The following DPP6 variants were observed in gnomAD, a reference collection of about 807,000 sequenced individuals.
DPP6 encodes A-type potassium channel modulatory protein DPP6.
In DPP6, 69 loss-of-function variants were observed where a neutral mutation model predicts 122.6. The ratio of observed to expected loss-of-function variants is 0.56; its 90% CI spans 0.46 to 0.69. The LOEUF is 0.69. Ranked by LOEUF, DPP6 falls within the 30% of genes least tolerant of loss-of-function variation. DPP6 has a pLI of 0.00. For synonymous variants in DPP6, 418 were observed against 433.1 expected (o/e 0.97, Z 0.43); for missense variants, 928 against 1,116.9 (o/e 0.83, Z 2.41).
chr7:154,810,276 C>G (rs957983273), intron 16 of DPP6, among the ~76,000 whole-genome samples: 1 of 152,180 alleles, frequency 6.6e-6, no homozygotes, highest in Non-Finnish European at 1.5e-5. Context: ...GGTTCAGTTT[C>G]CATAAGCTGC....
At chr7:154,279,076 A>G (rs1804332526) in intron 1 of DPP6, among the ~76,000 whole-genome samples, 1 of 144,838 alleles carries the variant, frequency 6.9e-6, no homozygotes, top group African/African-American at 2.6e-5. Flanking sequence ...TGTGCAGCTG[A>G]TGTGTGTGTG....
intron 10 of DPP6, 92 bp from the exon 11 acceptor site, chr7:154,793,987 C>T: frequency 1.3e-6 from 2 of 1,508,302 alleles, no homozygotes; most frequent in Non-Finnish European, 1.8e-6. Context: ...CCCCGGCTCC[C>T]GTGTCGTGTC....
chr7:154,651,262 T>C (rs1836857539), intron 6 of DPP6, among the ~76,000 whole-genome samples: 1 of 152,170 alleles, frequency 6.6e-6, no homozygotes, highest in Non-Finnish European at 1.5e-5. Flanking sequence ...ATTTCCTATA[T>C]AGTTACAGAA....
chr7:154,777,910 C>G (rs1284740501), intron 10 of DPP6, among the ~76,000 whole-genome samples: 1 of 152,174 alleles, frequency 6.6e-6, no homozygotes, highest in Non-Finnish European at 1.5e-5. Context: ...TCTTTTGCTT[C>G]CATTTATTTG....
At chr7:154,492,038 G>C (rs1468283530) in intron 3 of DPP6, among the ~76,000 whole-genome samples, 2 of 152,178 alleles carry the variant, frequency 1.3e-5, no homozygotes, top group East Asian at 3.8e-4. Flanking sequence ...CATCCTTGGA[G>C]CATCTTTTAT....
At chr7:154,622,533 A>C (rs916920243) in intron 5 of DPP6, among the ~76,000 whole-genome samples, 2 of 152,178 alleles carry the variant, frequency 1.3e-5, no homozygotes, top group African/African-American at 4.8e-5. Flanking sequence ...TGCTGATCAG[A>C]AGACTTGATT....
intron 16 of DPP6, among the ~76,000 whole-genome samples, chr7:154,848,469 CT>C (rs1350291181): frequency 6.6e-6 from 1 of 152,064 alleles, no homozygotes; most frequent in African/African-American, 2.4e-5. Context: ...TGCATGTCTT[CT>C]TTGACAAATT....
rs143593153 is a variant in DPP6, at chr7:154,303,067, C to T, written c.244-143147C>T. Among the ~76,000 whole-genome samples the T allele has an allele frequency of 1.1e-3, 173 of 152,322 alleles. 1 individual carries two copies. Among genetic ancestry groups the T allele is most frequent in the African/African-American group, 3.7e-3 (152 of 41,576 alleles). On this transcript the variant is annotated intron_variant, in intron 1 of 25. Transcript: ENST00000377770. ...CACCATCTCAGCTCACTGCAACTTC[C>T]GCCCCTCAGGTTCAAGCGATTCTCC... is the stretch of plus-strand genomic sequence containing the variant.
intron 5 of DPP6, among the ~76,000 whole-genome samples, chr7:154,591,932 C>G (rs1174296335): frequency 6.6e-6 from 1 of 152,238 alleles, no homozygotes; most frequent in Non-Finnish European, 1.5e-5. Context: ...TGCCCTGCCT[C>G]CAGGGCCTGT....
intron 7 of DPP6, among the ~76,000 whole-genome samples, chr7:154,675,080 G>A (rs568199681): frequency 2.3e-4 from 35 of 152,214 alleles, no homozygotes; most frequent in East Asian, 9.6e-4. Flanking sequence ...ATAGTTTATC[G>A]GAGAACGTCA....
chr7:153,864,642 G>A, the DPP6 span, among the ~76,000 whole-genome samples: 5 of 150,926 alleles, frequency 3.3e-5, no homozygotes, highest in East Asian at 9.8e-4. Flanking sequence ...GGGCAACAGA[G>A]CAAGACTCTG....
intron 8 of DPP6, among the ~76,000 whole-genome samples, chr7:154,753,934 C>T (rs985498049): frequency 1.3e-4 from 20 of 152,124 alleles, no homozygotes; most frequent in East Asian, 5.8e-4. Context: ...GTTGAAAGGC[C>T]GGCTCTTGTT....
intron 7 of DPP6, among the ~76,000 whole-genome samples, chr7:154,717,047 G>T (rs1841528299): frequency 6.6e-6 from 1 of 152,096 alleles, no homozygotes; most frequent in East Asian, 1.9e-4. Flanking sequence ...TGGTCAGGCT[G>T]GTCTTGAACT....
intron 1 of DPP6, among the ~76,000 whole-genome samples, chr7:154,189,537 C>T (rs1400431201): frequency 6.6e-6 from 1 of 152,192 alleles, no homozygotes; most frequent in African/African-American, 2.4e-5. Flanking sequence ...TCCGCCAACT[C>T]AGTCTCTATG....
intron 1 of DPP6, among the ~76,000 whole-genome samples, chr7:154,407,113 T>C (rs1816182025): frequency 6.6e-6 from 1 of 152,216 alleles, no homozygotes; most frequent in Non-Finnish European, 1.5e-5. Context: ...TCCAGGGAGA[T>C]AACAGAATCT....
At chr7:154,246,493 G>A (rs972999009) in intron 1 of DPP6, among the ~76,000 whole-genome samples, 1 of 152,016 alleles carries the variant, frequency 6.6e-6, no homozygotes, top group Admixed American at 6.6e-5. Flanking sequence ...ATTAATACAA[G>A]GTCAACGAAA....
At chr7:154,311,644 G>A (rs1196124247) in intron 1 of DPP6, among the ~76,000 whole-genome samples, 1 of 152,134 alleles carries the variant, frequency 6.6e-6, no homozygotes, top group Non-Finnish European at 1.5e-5. Context: ...GGAGTGGAGA[G>A]GTCTCAACAC....
chr7:154,745,920 T>C (rs2131431729), intron 8 of DPP6, among the ~76,000 whole-genome samples: 1 of 151,964 alleles, frequency 6.6e-6, no homozygotes, highest in African/African-American at 2.4e-5. Context: ...AGACCCCACC[T>C]CCAACATTGG....
At position 154,493,705 on chromosome 7, in the gene DPP6, C is replaced by T. The variant is rs952888166; in HGVS notation, c.457+18668C>T. 9.9e-5 allele frequency among the ~76,000 whole-genome samples: 15 copies of T among 152,132 alleles called. 1 individual carries two copies. The highest frequency in any genetic ancestry group is 3.9e-4 in the Admixed American group (6 of 15,276). On this transcript the variant is annotated intron_variant, in intron 3 of 25. Transcript: ENST00000377770. ...TATTGTTGCCTTGTTATTTGGCTTT[C>T]GTGAACTGTGTAAAAAGTTGTGAAT...
Sources: gnomAD v4.1 joint callset for allele counts (sites outside exome capture counted in the v4.1 genomes callset) on GRCh38, gnomAD v4.1.1 for gene constraint, MANE v1.5 for transcripts, NCBI Gene and HGNC (gene_info 2026-07-23, HGNC 2026-07-21) for gene names.